GPC6: variants seen among roughly 807,000 people sequenced by gnomAD.
GPC6 encodes glypican 6, also known as glypican-6.
Under a neutral mutation model 55.2 loss-of-function variants are expected in GPC6, and 14 were observed. The observed-to-expected ratio is 0.25, with a 90% CI of 0.17 to 0.40. The LOEUF (loss-of-function observed/expected upper bound fraction) is 0.40. Ranked by LOEUF, GPC6 falls within the 10% of genes least tolerant of loss-of-function variation. The pLI, the probability that GPC6 is intolerant of heterozygous loss-of-function variation, is 1.00. For synonymous variants in GPC6, 278 were observed against 259.6 expected, an observed-to-expected ratio of 1.07 and a Z score of -0.68; for missense variants, 641 against 708.5, an observed-to-expected ratio of 0.90 and a Z score of 1.08.
chr13:93,528,919 C>T (rs1418391899), intron 1 of GPC6, among the ~76,000 whole-genome samples: 1 of 152,014 alleles, frequency 6.6e-6, no homozygotes, highest in Non-Finnish European at 1.5e-5. Context: ...TCAGCTAAAC[C>T]TATCTAAATG....
At chr13:93,404,542 G>A (rs141966972) in intron 1 of GPC6, among the ~76,000 whole-genome samples, 1 of 152,138 alleles carries the variant, frequency 6.6e-6, no homozygotes, top group East Asian at 1.9e-4. Flanking sequence ...GACGTTTTGT[G>A]TAGAAAGACA....
chr13:93,662,435 G>C (rs1282400403), intron 2 of GPC6, among the ~76,000 whole-genome samples: 1 of 152,116 alleles, frequency 6.6e-6, no homozygotes, highest in Non-Finnish European at 1.5e-5. Context: ...TTTGAGACCA[G>C]CCTGGCCAAC....
intron 1 of GPC6, among the ~76,000 whole-genome samples, chr13:93,405,353 A>G (rs1021137400): frequency 1.3e-5 from 2 of 152,196 alleles, no homozygotes; most frequent in Non-Finnish European, 2.9e-5. Flanking sequence ...AGATTCAGCT[A>G]TGTTCTGGCA....
At chr13:93,894,296 G>A (rs1159986838) in intron 3 of GPC6, among the ~76,000 whole-genome samples, 1 of 152,112 alleles carries the variant, frequency 6.6e-6, no homozygotes, top group Non-Finnish European at 1.5e-5. Context: ...AATTTTAAAA[G>A]AGAAGTTCTA....
chr13:93,949,920 G>A lies in GPC6; in HGVS notation c.712-77809G>A, dbSNP rs118183082. On this transcript the variant is annotated intron_variant, in intron 3 of 8. Coordinates refer to ENST00000377047, the MANE Select transcript of GPC6 (RefSeq NM_005708.5). ...TTTTGTATTTTTTGTAGAGCCAGGG[G>A]TTTTGACATGTTGCCCAGGCTGGTC... Among the ~76,000 whole-genome samples, 459 of 152,134 alleles carry A rather than the reference G, an allele frequency of 3.0e-3. 16 individuals carry two copies. In the East Asian group the frequency reaches 0.077, roughly 25 times the overall value.
intron 2 of GPC6, among the ~76,000 whole-genome samples, chr13:93,814,193 C>T (rs1339504629): frequency 6.6e-6 from 1 of 151,922 alleles, no homozygotes; most frequent in Non-Finnish European, 1.5e-5. Flanking sequence ...GCTTTTATTC[C>T]TGGTCCTTCA....
At chr13:94,090,090 G>GA (rs1885426931) in intron 4 of GPC6, among the ~76,000 whole-genome samples, 2 of 123,244 alleles carry the variant, frequency 1.6e-5, no homozygotes, top group African/African-American at 6.1e-5. Context: ...AAAGAAAAAG[G>GA]TTTAATGGAC....
intron 4 of GPC6, among the ~76,000 whole-genome samples, chr13:94,206,292 CTT>C (rs1424015832): frequency 1.3e-5 from 2 of 152,066 alleles, no homozygotes; most frequent in South Asian, 4.1e-4. Flanking sequence ...GTTTGTGTCT[CTT>C]TTTTCTTTCT....
chr13:94,247,032 T>C (rs909912656), intron 4 of GPC6, among the ~76,000 whole-genome samples: 1 of 152,146 alleles, frequency 6.6e-6, no homozygotes, highest in Non-Finnish European at 1.5e-5. Context: ...TCAATTTCTT[T>C]CATCAATGTT....
intron 3 of GPC6, among the ~76,000 whole-genome samples, chr13:93,952,882 A>G (rs1029432690): frequency 1.2e-4 from 18 of 144,792 alleles, no homozygotes; most frequent in African/African-American, 4.5e-4. Context: ...ATACATATAT[A>G]TATGTGTGAT....
chr13:93,363,242 T>C, intron 1 of GPC6, among the ~76,000 whole-genome samples: 1 of 151,888 alleles, frequency 6.6e-6, no homozygotes, highest in South Asian at 2.1e-4. Flanking sequence ...CACTAACTCA[T>C]CATCTAGCGT....
chr13:93,873,853 C>G (rs1448500860), intron 3 of GPC6, among the ~76,000 whole-genome samples: 1 of 151,820 alleles, frequency 6.6e-6, no homozygotes, highest in East Asian at 2.0e-4. Flanking sequence ...CAGAGGCATC[C>G]TTGAATCCTC....
Position 94,359,291 on chromosome 13 carries a change from T to C in GPC6, c.1153-23123T>C, listed in dbSNP as rs1878947752. Reference sequence around the variant, plus strand: ...AACTATTTTCAAAAGACTGTTTAACTTTCCTTTAATTATACTAAAAAGAAT... The same window carrying C: ...AACTATTTTCAAAAGACTGTTTAACCTTCCTTTAATTATACTAAAAAGAAT... On this transcript the variant is annotated intron_variant, in intron 6 of 8. Transcript: ENST00000377047. 3.3e-5 allele frequency among the ~76,000 whole-genome samples: 5 copies of C among 152,236 alleles called. No individual in the cohort carries two copies. In the South Asian group the frequency reaches 1.0e-3, roughly 31 times the overall value.
chr13:93,342,900 AT>A (rs2139153269), intron 1 of GPC6, among the ~76,000 whole-genome samples: 1 of 152,296 alleles, frequency 6.6e-6, no homozygotes, highest in Non-Finnish European at 1.5e-5. Flanking sequence ...ATGATATGAT[AT>A]TGTCACTTGG....
At chr13:93,588,701 T>C (rs949647527) in intron 2 of GPC6, among the ~76,000 whole-genome samples, 1 of 152,108 alleles carries the variant, frequency 6.6e-6, no homozygotes, top group African/African-American at 2.4e-5. Context: ...CCACACACTT[T>C]TAAATGACCA....
intron 3 of GPC6, among the ~76,000 whole-genome samples, chr13:93,887,983 C>T (rs993874585): frequency 2.0e-5 from 3 of 152,102 alleles, no homozygotes; most frequent in East Asian, 1.9e-4. Context: ...GGGGTCCACT[C>T]CATAGCATAA....
intron 2 of GPC6, among the ~76,000 whole-genome samples, chr13:93,813,537 A>C (rs1886761895): frequency 6.6e-6 from 1 of 152,196 alleles, no homozygotes; most frequent in Non-Finnish European, 1.5e-5. Flanking sequence ...TTAAAGATAC[A>C]ATTGATTATA....
chr13:93,685,490 G>A (rs1418167078), intron 2 of GPC6, among the ~76,000 whole-genome samples: 1 of 152,142 alleles, frequency 6.6e-6, no homozygotes, highest in Admixed American at 6.5e-5. Context: ...TGGCATTATG[G>A]AGCATGAAGT....
chr13:94,265,503 C>T (rs1891774882), intron 4 of GPC6, among the ~76,000 whole-genome samples: 1 of 152,154 alleles, frequency 6.6e-6, no homozygotes, highest in Non-Finnish European at 1.5e-5. Flanking sequence ...GTGGATCGGC[C>T]TTTCCCAGTC....
Sources: allele counts gnomAD v4.1 joint callset (sites outside exome capture counted in the v4.1 genomes callset), GRCh38; gene constraint gnomAD v4.1.1; transcripts MANE v1.5; gene names NCBI Gene and HGNC (gene_info 2026-07-23, HGNC 2026-07-21).